Variants in DDR2 observed in about 807,000 individuals in gnomAD.
DDR2 encodes the protein discoidin domain-containing receptor 2.
In DDR2, 27 loss-of-function variants were observed where a neutral mutation model predicts 94.9. That is an observed-to-expected ratio of 0.28 (90% CI 0.21 to 0.39). DDR2 has a LOEUF of 0.39. Ranked by LOEUF, DDR2 falls within the 10% of genes least tolerant of loss-of-function variation. The pLI, the probability that DDR2 is intolerant of heterozygous loss-of-function variation, is 1.00. For synonymous variants in DDR2, 382 were observed against 377.2 expected (o/e 1.01, Z -0.15); for missense variants, 783 against 1,076.0 (o/e 0.73, Z 3.81).
chr1:162,697,835 C>G (rs1164668946), intron 2 of DDR2, among the ~76,000 whole-genome samples: 8 of 152,170 alleles, frequency 5.3e-5, no homozygotes, highest in Non-Finnish European at 1.0e-4. Context: ...TAAACTCACA[C>G]AGTTAGTAAA....
At chr1:162,771,588 T>A (rs1172868521) in intron 12 of DDR2, among the ~76,000 whole-genome samples, 3 of 152,232 alleles carry the variant, frequency 2.0e-5, no homozygotes, top group Admixed American at 6.5e-5. Flanking sequence ...AAGGCTTTTT[T>A]AAGTTAGAAT....
At chr1:162,647,968 C>T (rs946293403) in intron 1 of DDR2, among the ~76,000 whole-genome samples, 1 of 152,116 alleles carries the variant, frequency 6.6e-6, no homozygotes, top group Non-Finnish European at 1.5e-5. Context: ...GTCTCAGTCT[C>T]ATTTTACCCA....
chr1:162,668,027 G>C (rs1658666220), intron 2 of DDR2, among the ~76,000 whole-genome samples: 1 of 152,240 alleles, frequency 6.6e-6, no homozygotes, highest in Middle Eastern at 3.4e-3. Context: ...TAGGGGGAGT[G>C]GGGGAAGAAT....
At chr1:162,770,150 A>G in intron 11 of DDR2, 152 bp from the exon 12 acceptor site, 1 of 780,238 alleles carries the variant, frequency 1.3e-6, no homozygotes, top group Non-Finnish European at 2.3e-6. Flanking sequence ...CATTTGTGGA[A>G]CCAGACTGCA....
At chr1:162,757,676 G>T (rs1161976819) in intron 7 of DDR2, among the ~76,000 whole-genome samples, 1 of 152,122 alleles carries the variant, frequency 6.6e-6, no homozygotes, top group East Asian at 1.9e-4. Context: ...GACATGATTG[G>T]AGCTGTGCTT....
chr1:162,750,838 A>G (rs1408670005), intron 3 of DDR2, among the ~76,000 whole-genome samples: 2 of 152,122 alleles, frequency 1.3e-5, no homozygotes, highest in African/African-American at 2.4e-5. Flanking sequence ...CAGAAATAAT[A>G]CCACACATCT....
intron 3 of DDR2, among the ~76,000 whole-genome samples, chr1:162,729,296 A>AT (rs1271719479): frequency 0.027 from 883 of 32,900 alleles, 12 homozygotes; most frequent in African/African-American, 0.051. Context: ...ATATATATAT[A>AT]TATATTTTTT....
At chr1:162,640,697 A>G (rs1361153991) in intron 1 of DDR2, among the ~76,000 whole-genome samples, 1 of 152,168 alleles carries the variant, frequency 6.6e-6, no homozygotes, top group African/African-American at 2.4e-5. Flanking sequence ...CCTAAACTTA[A>G]ATGATATTAT....
At chr1:162,704,319 T>A (rs1367697160) in intron 2 of DDR2, among the ~76,000 whole-genome samples, 1 of 151,934 alleles carries the variant, frequency 6.6e-6, no homozygotes, top group Non-Finnish European at 1.5e-5. Context: ...AGCCTGAGAG[T>A]TGTAAAGGGG....
intron 1 of DDR2, among the ~76,000 whole-genome samples, chr1:162,652,646 C>G (rs1657762140): frequency 6.6e-6 from 1 of 152,146 alleles, no homozygotes; most frequent in Admixed American, 6.5e-5. Context: ...TGCTGAGTAC[C>G]CACTATGTGG....
chr1:162,765,392 C>T (rs1342058872), intron 9 of DDR2, among the ~76,000 whole-genome samples: 1 of 152,128 alleles, frequency 6.6e-6, no homozygotes, highest in Non-Finnish European at 1.5e-5. Context: ...TAATTCTTGA[C>T]CCCCTTGATT....
At chr1:162,680,210 C>T (rs1238393998) in intron 2 of DDR2, among the ~76,000 whole-genome samples, 1 of 152,092 alleles carries the variant, frequency 6.6e-6, no homozygotes, top group Non-Finnish European at 1.5e-5. Context: ...TTTGCCAAGT[C>T]CTATGTCCAG....
intron 1 of DDR2, among the ~76,000 whole-genome samples, chr1:162,639,496 A>T (rs1252765979): frequency 1.3e-5 from 2 of 152,252 alleles, no homozygotes; most frequent in African/African-American, 4.8e-5. Context: ...CTCAAAGTGG[A>T]TCATAGACCA....
intron 3 of DDR2, among the ~76,000 whole-genome samples, chr1:162,731,037 G>A (rs969945240): frequency 6.6e-6 from 1 of 152,068 alleles, no homozygotes; most frequent in African/African-American, 2.4e-5. Flanking sequence ...CTGAAGTCTT[G>A]GTCTCTGCAT....
intron 1 of DDR2, among the ~76,000 whole-genome samples, chr1:162,642,210 G>T (rs958424161): frequency 6.6e-6 from 1 of 152,112 alleles, no homozygotes; most frequent in Non-Finnish European, 1.5e-5. Context: ...ACCCGCCATG[G>T]CTTCCCAAAG....
chr1:162,657,248 A>G (rs765610372), intron 2 of DDR2, among the ~76,000 whole-genome samples: 1 of 151,896 alleles, frequency 6.6e-6, no homozygotes, highest in Non-Finnish European at 1.5e-5. Flanking sequence ...CTCCACCCCC[A>G]CTGTCATATT....
intron 2 of DDR2, among the ~76,000 whole-genome samples, chr1:162,689,300 G>A (rs1659847553): frequency 1.3e-5 from 2 of 152,174 alleles, no homozygotes; most frequent in Non-Finnish European, 2.9e-5. Flanking sequence ...GCCAGGTACT[G>A]GCTAGTCCTC....
intron 2 of DDR2, among the ~76,000 whole-genome samples, chr1:162,658,829 A>AAAATAAATAAATAAATAAATAAATAAAT (rs1658153139): frequency 7.5e-5 from 10 of 133,604 alleles, no homozygotes; most frequent in East Asian, 2.2e-4. Flanking sequence ...CCTGTCTCAA[A>AAAATAAATAAATAAATAAATAAATAAAT]AAATAAATAA....
At chr1:162,699,056 G>A (rs996262216) in intron 2 of DDR2, among the ~76,000 whole-genome samples, 2 of 147,536 alleles carry the variant, frequency 1.4e-5, no homozygotes, top group African/African-American at 4.9e-5. Context: ...AACCAAGGTT[G>A]TCTGCAATGG....
Sources: allele counts gnomAD v4.1 joint callset (sites outside exome capture counted in the v4.1 genomes callset), GRCh38; gene constraint gnomAD v4.1.1; transcripts MANE v1.5; gene names NCBI Gene and HGNC (gene_info 2026-07-23, HGNC 2026-07-21).